The following DISP1 variants were observed in gnomAD, a reference collection of about 807,000 sequenced individuals.
DISP1 encodes protein dispatched homolog 1.
DISP1 carries 30 observed loss-of-function variants against 37.3 expected under a neutral mutation model. That is an observed-to-expected ratio of 0.80 (90% confidence interval 0.60 to 1.09). The LOEUF (loss-of-function observed/expected upper bound fraction) is 1.09, where lower values mean the gene tolerates loss of function less well. DISP1 is among the 50% of genes least tolerant of loss of function. The pLI is 0.00. For synonymous variants in DISP1, 634 were observed against 690.2 expected (o/e 0.92, Z 1.28); for missense variants, 1,598 against 1,879.5 (o/e 0.85, Z 2.77).
rs112467537 is a variant in DISP1, at chr1:222,901,915, A to G, written c.-158-26515A>G. On this transcript the variant is annotated intron_variant, in intron 1 of 8. Transcript: ENST00000675850. ...TGGAAAGTGTGAGATATAAGAATCA[A>G]AAGGAGCAAAGAAATGGGTATTTTG... Among the ~76,000 whole-genome samples the G allele has an allele frequency of 3.9e-3, 587 of 152,354 alleles. 1 individual carries two copies. The highest frequency in any genetic ancestry group is 7.6e-3 in the Admixed American group (116 of 15,302).
In DISP1 at chr1:223,005,941, CT is replaced by C; in HGVS notation, c.4545del (p.Gly1516ValfsTer5). The part of the protein sequence containing the change: ...VPAVLTHSEL[S>X]GESLLIKTL ...GCTGTATTAACACACTCGGAACTTT[CT>C]GGTGAAAGTTTGTTAATAAAAACAC... On this transcript the variant is annotated frameshift_variant, in exon 9 of 9. Transcript: ENST00000675850. LOFTEE classifies it high-confidence loss of function. The C allele has an allele frequency of 6.2e-7, 1 of 1,613,954 alleles. No homozygotes were observed. Among genetic ancestry groups the C allele is most frequent in the East Asian group, 2.2e-5 (1 of 44,886 alleles).
intron 1 of DISP1, among the ~76,000 whole-genome samples, chr1:222,832,464 C>G (rs1268987120): frequency 6.6e-6 from 1 of 152,136 alleles, no homozygotes; most frequent in African/African-American, 2.4e-5. Context: ...TAAGAGAGAA[C>G]TATTTTATCA....
At chr1:222,928,838 T>C (rs1673229844) in intron 2 of DISP1, among the ~76,000 whole-genome samples, 1 of 152,144 alleles carries the variant, frequency 6.6e-6, no homozygotes, top group Non-Finnish European at 1.5e-5. Context: ...GTCATGTCTT[T>C]GTGAAGTTGG....
intron 3 of DISP1, among the ~76,000 whole-genome samples, chr1:222,975,071 A>G (rs934358367): frequency 2.0e-5 from 3 of 152,138 alleles, no homozygotes; most frequent in Admixed American, 1.3e-4. Context: ...AGCTGAAAGT[A>G]TGCTTTCTTC....
At chr1:222,853,184 A>G (rs1023400973) in intron 1 of DISP1, among the ~76,000 whole-genome samples, 1 of 152,224 alleles carries the variant, frequency 6.6e-6, no homozygotes, top group Non-Finnish European at 1.5e-5. Flanking sequence ...TCAGAAAAGA[A>G]CTACCAGGCT....
chr1:222,932,038 G>T (rs919730279), intron 2 of DISP1, among the ~76,000 whole-genome samples: 1 of 151,832 alleles, frequency 6.6e-6, no homozygotes, highest in Admixed American at 6.6e-5. Context: ...ATAAAAAAAA[G>T]TAAAGATAGT....
intron 8 of DISP1, among the ~76,000 whole-genome samples, chr1:222,998,033 C>G (rs1250533112): frequency 6.6e-6 from 1 of 152,106 alleles, no homozygotes; most frequent in African/African-American, 2.4e-5. Flanking sequence ...GTCTCAAACT[C>G]TATGAACCTG....
At chr1:222,931,322 GT>G (rs1237483702) in intron 2 of DISP1, among the ~76,000 whole-genome samples, 1 of 151,428 alleles carries the variant, frequency 6.6e-6, no homozygotes, top group Non-Finnish European at 1.5e-5. Flanking sequence ...AAGTTTTGAG[GT>G]TTTGACATGT....
chr1:222,975,068 A>C (rs1677214239), intron 3 of DISP1, among the ~76,000 whole-genome samples: 1 of 152,156 alleles, frequency 6.6e-6, no homozygotes, highest in Non-Finnish European at 1.5e-5. Context: ...TAAAGCTGAA[A>C]GTATGCTTTC....
At chr1:222,836,425 C>A (rs1401837518) in intron 1 of DISP1, among the ~76,000 whole-genome samples, 2 of 152,094 alleles carry the variant, frequency 1.3e-5, no homozygotes, top group East Asian at 3.9e-4. Flanking sequence ...CATTTAACAT[C>A]TGGGAGTGAC....
At chr1:222,985,980 A>G (rs1045410666) in intron 4 of DISP1, among the ~76,000 whole-genome samples, 14 of 152,318 alleles carry the variant, frequency 9.2e-5, no homozygotes, top group African/African-American at 3.1e-4. Flanking sequence ...TCTTTAAGGG[A>G]CAAGAGGAAT....
At chr1:222,902,964 G>T (rs1462957762) in intron 1 of DISP1, among the ~76,000 whole-genome samples, 1 of 151,768 alleles carries the variant, frequency 6.6e-6, no homozygotes, top group Non-Finnish European at 1.5e-5. Flanking sequence ...TATACCCAAA[G>T]GACTATAAAT....
intron 3 of DISP1, among the ~76,000 whole-genome samples, chr1:222,960,656 C>T (rs781649366): frequency 6.6e-6 from 1 of 151,304 alleles, no homozygotes; most frequent in Non-Finnish European, 1.5e-5. Context: ...CATGAAAAAC[C>T]CTGCAAAAAA....
chr1:222,973,765 A>G (rs1004782460), intron 3 of DISP1, among the ~76,000 whole-genome samples: 1 of 151,990 alleles, frequency 6.6e-6, no homozygotes, highest in African/African-American at 2.4e-5. Context: ...GTTCCTTTTC[A>G]TTTTCAGTTC....
chr1:222,832,092 C>CA (rs1292574681), intron 1 of DISP1, among the ~76,000 whole-genome samples: 1 of 151,798 alleles, frequency 6.6e-6, no homozygotes, highest in Non-Finnish European at 1.5e-5. Context: ...CCAGCCTGGC[C>CA]AACATGATGA....
chr1:222,921,424 A>G (rs1672804356), intron 1 of DISP1, among the ~76,000 whole-genome samples: 1 of 152,224 alleles, frequency 6.6e-6, no homozygotes, highest in Non-Finnish European at 1.5e-5. Context: ...ATTTCTGTCA[A>G]TGCCATGGGA....
intron 1 of DISP1, among the ~76,000 whole-genome samples, chr1:222,846,667 G>GAA (rs1225996433): frequency 2.6e-5 from 4 of 152,244 alleles, no homozygotes; most frequent in African/African-American, 9.6e-5. Flanking sequence ...TAAGGCTTGT[G>GAA]GTTGCAGGAA....
intron 8 of DISP1, among the ~76,000 whole-genome samples, chr1:223,000,071 C>G (rs1679328744): frequency 6.6e-6 from 1 of 152,190 alleles, no homozygotes; most frequent in African/African-American, 2.4e-5. Context: ...GGACAGAATT[C>G]TATGCTTTCT....
chr1:222,819,840 T>C (rs1292893942), intron 1 of DISP1, among the ~76,000 whole-genome samples: 1 of 152,116 alleles, frequency 6.6e-6, no homozygotes, highest in Non-Finnish European at 1.5e-5. Context: ...TGCGCCGAGC[T>C]AATATGTTGT....
Sources: gnomAD v4.1 joint callset for allele counts (sites outside exome capture counted in the v4.1 genomes callset) on GRCh38, gnomAD v4.1.1 for gene constraint, MANE v1.5 for transcripts, NCBI Gene and HGNC (gene_info 2026-07-23, HGNC 2026-07-21) for gene names.